AAK1: variants seen among roughly 807,000 people sequenced by gnomAD.
The protein encoded by AAK1 is AP2 associated kinase 1.
Under a neutral mutation model 116.0 loss-of-function variants are expected in AAK1, and 37 were observed. The observed-to-expected ratio is 0.32, with a 90% CI of 0.25 to 0.42. The LOEUF (loss-of-function observed/expected upper bound fraction) is 0.42. AAK1 is among the 10% of genes least tolerant of loss of function. The pLI, the probability that AAK1 is intolerant of heterozygous loss-of-function variation, is 1.00. For missense variants in AAK1, 919 were observed against 1,170.6 expected (o/e 0.79, Z 3.14); for synonymous variants, 458 against 439.9 (o/e 1.04, Z -0.51).
chr2:69,615,344 T>C (rs537522299), intron 2 of AAK1, among the ~76,000 whole-genome samples: 3 of 152,298 alleles, frequency 2.0e-5, no homozygotes, highest in Admixed American at 1.3e-4. Flanking sequence ...ACACAGAGGA[T>C]GGGAGGCAGG....
chr2:69,628,334 C>T (rs1193886428), intron 2 of AAK1, among the ~76,000 whole-genome samples: 1 of 151,780 alleles, frequency 6.6e-6, no homozygotes, highest in Non-Finnish European at 1.5e-5. Flanking sequence ...CTAACATTTC[C>T]GTCTCATCAA....
chr2:69,632,547 C>T (rs1336111623), intron 2 of AAK1, among the ~76,000 whole-genome samples: 1 of 152,192 alleles, frequency 6.6e-6, no homozygotes, highest in East Asian at 1.9e-4. Context: ...TCAGAAGGGC[C>T]TAATTGGCGG....
intron 2 of AAK1, among the ~76,000 whole-genome samples, chr2:69,638,634 T>C (rs1332215309): frequency 1.3e-5 from 2 of 152,222 alleles, no homozygotes; most frequent in Non-Finnish European, 2.9e-5. Context: ...ATGGTAACAC[T>C]AAACTAGTCA....
chr2:69,481,127 C>G, intron 18 of AAK1, 166 bp from the exon 19 acceptor site: 3 of 551,858 alleles, frequency 5.4e-6, no homozygotes, highest in Non-Finnish European at 9.4e-6. Context: ...CTCCCAAAGT[C>G]CTGTGGTTAC....
At chr2:69,586,023 C>T (rs1672749343) in intron 2 of AAK1, among the ~76,000 whole-genome samples, 1 of 152,140 alleles carries the variant, frequency 6.6e-6, no homozygotes, top group Non-Finnish European at 1.5e-5. Flanking sequence ...GCTCCCTGCC[C>T]TCCGCACGTC....
Position 69,465,764 on chromosome 2 carries a change from G to A in AAK1, c.*10105C>T, listed in dbSNP as rs1344092563. ...GGCAGGATCCCCTGGGAGAGATGCT[G>A]TCCAGATGGTCTGCTGCTTGTACAG... On this transcript the variant is annotated 3_prime_UTR_variant, in exon 22 of 22. Coordinates refer to ENST00000409085, the MANE Select transcript of AAK1 (RefSeq NM_014911.5). The A allele has an allele frequency of 7.7e-7, 1 of 1,290,930 alleles. No homozygotes were observed. Among genetic ancestry groups the A allele is most frequent in the Admixed American group, 2.3e-5 (1 of 43,570 alleles). 80.0% of individuals were successfully genotyped at this position (1,290,930 alleles called of 1,614,324 possible). A position where few individuals can be genotyped will look rare whatever the true frequency, so the allele number is the denominator to read the frequency against.
In AAK1 at chr2:69,588,261, A is replaced by G. The variant is rs1430439375; in HGVS notation, c.164-31283T>C. Among the ~76,000 whole-genome samples the G allele has an allele frequency of 2.0e-5, 3 of 152,194 alleles. No individual in the cohort carries two copies. In the East Asian group the frequency reaches 5.8e-4, roughly 29 times the overall value. On this transcript the variant is annotated intron_variant, in intron 2 of 21. Transcript: ENST00000409085. The stretch of plus-strand genomic sequence containing the variant: ...CACACATCTAAACACAGAAGCTCTT[A>G]ACAAATGTTCATCCCTGTCTCCTCC...
chr2:69,509,302 A>G lies in AAK1; in HGVS notation c.1935T>C (p.Phe645=). ...GGGTTGATTTGCTGGCAGGGACCCCAAAGACTGCACTGTGGGTTACGTCAC... is the reference window on the plus strand; with the variant it reads ...GGGTTGATTTGCTGGCAGGGACCCCGAAGACTGCACTGTGGGTTACGTCAC... ...ILSDVTHSAV[F]GVPASKSTQL... Residue 645 remains phenylalanine (F), a synonymous_variant, in exon 14 of 22, where the codon TTT becomes TTC. Transcript: ENST00000409085. 6.2e-7 allele frequency: 1 copy of G among 1,613,990 alleles called. No homozygotes were observed. The highest frequency in any genetic ancestry group is 8.5e-7 in the Non-Finnish European group (1 of 1,179,886).
intron 15 of AAK1, among the ~76,000 whole-genome samples, chr2:69,506,954 T>C (rs1474979030): frequency 1.3e-5 from 2 of 151,998 alleles, no homozygotes; most frequent in Non-Finnish European, 2.9e-5. Context: ...ATTTATTTAA[T>C]CATCTTTCTG....
At chr2:69,524,947 A>G in intron 10 of AAK1, 86 bp downstream of exon 10, 1 of 1,306,246 alleles carries the variant, frequency 7.7e-7, no homozygotes, top group Non-Finnish European at 1.1e-6. Flanking sequence ...TCATGACAGC[A>G]TACATAAGAA....
At chr2:69,602,658 G>A (rs1673629789) in intron 2 of AAK1, among the ~76,000 whole-genome samples, 1 of 151,952 alleles carries the variant, frequency 6.6e-6, no homozygotes, top group South Asian at 2.1e-4. Context: ...GCCCCCTGAG[G>A]CGCTCCTGAC....
intron 6 of AAK1, 103 bp from the exon 7 acceptor site, chr2:69,530,809 G>C (rs1670224258): frequency 1.2e-5 from 10 of 805,972 alleles, no homozygotes; most frequent in Non-Finnish European, 2.0e-5. Context: ...CAGAATCCCT[G>C]GGAGCAATCT....
intron 2 of AAK1, among the ~76,000 whole-genome samples, chr2:69,638,204 C>A (rs1393491820): frequency 6.6e-6 from 1 of 152,210 alleles, no homozygotes; most frequent in African/African-American, 2.4e-5. Context: ...ATAACTAAAT[C>A]TCTCTGCCTG....
chr2:69,498,899 T>A (rs1293418984), intron 16 of AAK1, among the ~76,000 whole-genome samples: 1 of 152,156 alleles, frequency 6.6e-6, no homozygotes, highest in South Asian at 2.1e-4. Context: ...CAGCCCCAGC[T>A]CAACTAGATG....
intron 2 of AAK1, among the ~76,000 whole-genome samples, chr2:69,559,684 T>G (rs1228318280): frequency 6.6e-6 from 1 of 152,224 alleles, no homozygotes; most frequent in African/African-American, 2.4e-5. Flanking sequence ...GTCCCATGGC[T>G]AGTTATGGGC....
chr2:69,564,580 C>G (rs1455749617), intron 2 of AAK1, among the ~76,000 whole-genome samples: 1 of 151,788 alleles, frequency 6.6e-6, no homozygotes, highest in Non-Finnish European at 1.5e-5. Context: ...TAGATGTGTA[C>G]AGGCAGCTTT....
intron 5 of AAK1, among the ~76,000 whole-genome samples, chr2:69,537,157 C>T (rs1241930368): frequency 6.6e-6 from 1 of 152,174 alleles, no homozygotes; most frequent in African/African-American, 2.4e-5. Flanking sequence ...GCTTAGGTGA[C>T]CTTCCCAGAT....
At chr2:69,546,622 A>T (rs2105061443) in intron 3 of AAK1, among the ~76,000 whole-genome samples, 1 of 152,346 alleles carries the variant, frequency 6.6e-6, no homozygotes, top group African/African-American at 2.4e-5. Flanking sequence ...GGAATAATAA[A>T]GCATCTGGAA....
intron 2 of AAK1, among the ~76,000 whole-genome samples, chr2:69,616,021 A>C (rs987177400): frequency 1.3e-5 from 2 of 152,206 alleles, no homozygotes; most frequent in African/African-American, 4.8e-5. Flanking sequence ...AAATCATGTG[A>C]GCTCAGGAGT....
Sources: allele counts gnomAD v4.1 joint callset (sites outside exome capture counted in the v4.1 genomes callset), GRCh38; gene constraint gnomAD v4.1.1; transcripts MANE v1.5; gene names NCBI Gene and HGNC (gene_info 2026-07-23, HGNC 2026-07-21).